PRKDC: variants seen among roughly 807,000 people sequenced by gnomAD.
PRKDC encodes DNA-dependent protein kinase catalytic subunit.
In PRKDC, 82 loss-of-function variants were observed where a neutral mutation model predicts 486.9. The ratio of observed to expected loss-of-function variants is 0.17; its 90% CI spans 0.14 to 0.20. The LOEUF (loss-of-function observed/expected upper bound fraction) is 0.20. Ranked by LOEUF, PRKDC falls within the 10% of genes least tolerant of loss-of-function variation. The pLI is 1.00. For missense variants in PRKDC, 4,504 were observed against 5,038.2 expected, an observed-to-expected ratio of 0.89 and a Z score of 3.21; for synonymous variants, 1,895 against 1,837.0, an observed-to-expected ratio of 1.03 and a Z score of -0.81.
intron 40 of PRKDC, among the ~76,000 whole-genome samples, chr8:47,872,837 G>A (rs999653065): frequency 3.9e-5 from 6 of 152,180 alleles, no homozygotes; most frequent in Non-Finnish European, 4.4e-5. Flanking sequence ...TGCAACAACA[G>A]CTGAAGACTT....
chr8:47,833,150 G>T (rs183667443), intron 59 of PRKDC, among the ~76,000 whole-genome samples: 1 of 152,312 alleles, frequency 6.6e-6, no homozygotes, highest in Non-Finnish European at 1.5e-5. Context: ...CATGCCAAAA[G>T]GTGGGCCACA....
At chr8:47,845,158 T>C (rs1297469813) in intron 54 of PRKDC, among the ~76,000 whole-genome samples, 1 of 151,676 alleles carries the variant, frequency 6.6e-6, no homozygotes, top group East Asian at 1.9e-4. Flanking sequence ...GAGGTGGAGG[T>C]TGCAGTGAGC....
chr8:47,957,295 G>A, intron 2 of PRKDC, 32 bp from the exon 3 acceptor site: 1 of 1,577,722 alleles, frequency 6.3e-7, no homozygotes. Context: ...TTGTAAATAT[G>A]GGTAAGAGGA....
intron 21 of PRKDC, among the ~76,000 whole-genome samples, chr8:47,919,699 G>A (rs887926035): frequency 2.7e-5 from 4 of 148,854 alleles, no homozygotes; most frequent in Non-Finnish European, 5.9e-5. Flanking sequence ...GGCCAGAGAT[G>A]ATAAGAGAAT....
intron 58 of PRKDC, among the ~76,000 whole-genome samples, chr8:47,835,823 C>T (rs1045741616): frequency 1.3e-5 from 2 of 151,222 alleles, no homozygotes; most frequent in African/African-American, 2.4e-5. Flanking sequence ...GGTGCAGTGG[C>T]GTGATCACAG....
intron 40 of PRKDC, among the ~76,000 whole-genome samples, chr8:47,869,415 T>A (rs143676037): frequency 2.8e-4 from 42 of 151,568 alleles, no homozygotes; most frequent in African/African-American, 8.9e-4. Context: ...TTAGACACAC[T>A]CTGGGCCAGA....
chr8:47,908,603 T>C (rs1429360378), intron 25 of PRKDC, among the ~76,000 whole-genome samples: 1 of 152,192 alleles, frequency 6.6e-6, no homozygotes, highest in African/African-American at 2.4e-5. Flanking sequence ...CGAGTCTACT[T>C]TTTGTTAACA....
At position 47,783,310 on chromosome 8, in the gene PRKDC, C is replaced by T. The variant is rs569161281; in HGVS notation, c.11175+432G>A. 5.2e-3 allele frequency among the ~76,000 whole-genome samples: 780 copies of T among 150,978 alleles called. 13 individuals carry two copies. The highest frequency in any genetic ancestry group is 0.018 in the African/African-American group (751 of 41,160). ...AAAAAAGAAAAAAAAAAAAAAAGCC[C>T]GGGCATAGTGGCTCACACCTGTAAT... On this transcript the variant is annotated intron_variant, in intron 78 of 85. Coordinates refer to ENST00000314191, the MANE Select transcript of PRKDC (RefSeq NM_006904.7).
intron 40 of PRKDC, among the ~76,000 whole-genome samples, chr8:47,871,584 G>GT (rs1023213926): frequency 6.6e-6 from 1 of 151,940 alleles, no homozygotes; most frequent in East Asian, 1.9e-4. Flanking sequence ...GATAAAAGGA[G>GT]TTTTTTTTGT....
At chr8:47,895,813 G>C (rs1265509367) in intron 30 of PRKDC, among the ~76,000 whole-genome samples, 1 of 152,208 alleles carries the variant, frequency 6.6e-6, no homozygotes, top group African/African-American at 2.4e-5. Flanking sequence ...GGCAGAGGCT[G>C]GCAGATTACG....
chr8:47,834,397 C>T lies in PRKDC; in HGVS notation c.7952-1G>A. The T allele has an allele frequency of 6.2e-7, 1 of 1,612,870 alleles. No homozygotes were observed. The highest frequency in any genetic ancestry group is 8.5e-7 in the Non-Finnish European group (1 of 1,179,684). On this transcript the variant is annotated splice_acceptor_variant, in intron 58 of 85. Coordinates refer to ENST00000314191, the MANE Select transcript of PRKDC (RefSeq NM_006904.7). LOFTEE classifies it high-confidence loss of function. ...AGCCAATCAAATGAGCTTCTTCCAT[C>T]TGTGACATGCAATCAGAGAGGTCAG...
intron 24 of PRKDC, among the ~76,000 whole-genome samples, chr8:47,913,402 A>G (rs1403143346): frequency 6.8e-6 from 1 of 147,460 alleles, no homozygotes; most frequent in African/African-American, 2.5e-5. Context: ...TTGAAAGGCA[A>G]TTTTTTTTTT....
At position 47,927,231 on chromosome 8, in the gene PRKDC, G is replaced by C; in HGVS notation, c.2382C>G (p.Pro794=). Residue 794 remains proline, a synonymous_variant, in exon 21 of 86, where the codon CCC becomes CCG. Transcript: ENST00000314191. ...VMQPYYKDIL[P]CLDGYLKTSA... is the part of the protein sequence containing the mutation. ...AAGTCTTCAGGTATCCATCCAGGCA[G>C]GGGAGAATGTCTTTGTAATAAGGCT... 6.2e-7 allele frequency: 1 copy of C among 1,613,810 alleles called. No individual in the cohort carries two copies. The highest frequency in any genetic ancestry group is 2.2e-5 in the East Asian group (1 of 44,868).
At chr8:47,877,159 G>A (rs977165786) in intron 40 of PRKDC, among the ~76,000 whole-genome samples, 2 of 152,196 alleles carry the variant, frequency 1.3e-5, no homozygotes, top group African/African-American at 4.8e-5. Flanking sequence ...AAGTGTCCAA[G>A]TATCTCCAAA....
chr8:47,798,587 T>C (rs1303544928), intron 72 of PRKDC, among the ~76,000 whole-genome samples, 190 bp from the exon 73 acceptor site: 1 of 152,108 alleles, frequency 6.6e-6, no homozygotes, highest in Non-Finnish European at 1.5e-5. Flanking sequence ...AATCCTTCCA[T>C]TAGAGTGCCC....
intron 61 of PRKDC, 83 bp from the exon 62 acceptor site, chr8:47,828,430 T>C (rs938302027): frequency 1.7e-6 from 2 of 1,199,590 alleles, no homozygotes; most frequent in East Asian, 2.4e-5. Context: ...GCTTGGAAAA[T>C]ACAAACTGTT....
chr8:47,817,142 C>G (rs994545095), intron 68 of PRKDC, among the ~76,000 whole-genome samples: 1 of 152,212 alleles, frequency 6.6e-6, no homozygotes, highest in African/African-American at 2.4e-5. Context: ...TTGTTGTCAT[C>G]TAACTACTTA....
rs142492449 is a variant in PRKDC at position 47,792,547 on chromosome 8, C to T, written c.10670+1743G>A. Reference sequence around the variant, plus strand: ...TGCTGGGATTACAGGCGTGAGCCACCGCACCCGGCCTGACTACAGTAAATT... The same window carrying T: ...TGCTGGGATTACAGGCGTGAGCCACTGCACCCGGCCTGACTACAGTAAATT... On this transcript the variant is annotated intron_variant, in intron 74 of 85. Coordinates refer to ENST00000314191, the MANE Select transcript of PRKDC (RefSeq NM_006904.7). Among the ~76,000 whole-genome samples, 161 of 151,966 alleles carry T rather than the reference C, an allele frequency of 1.1e-3. 4 individuals carry two copies. The East Asian group carries it at 0.026, about 25-fold the overall frequency.
At chr8:47,821,890 A>G (rs1157458843) in intron 64 of PRKDC, 98 bp from the exon 65 acceptor site, 2 of 1,099,480 alleles carry the variant, frequency 1.8e-6, no homozygotes, top group Admixed American at 6.6e-5. Flanking sequence ...ACTAAAAACA[A>G]TCCTTTTCAG....
Sources: gnomAD v4.1 joint callset for allele counts (sites outside exome capture counted in the v4.1 genomes callset) on GRCh38, gnomAD v4.1.1 for gene constraint, MANE v1.5 for transcripts, NCBI Gene and HGNC (gene_info 2026-07-23, HGNC 2026-07-21) for gene names.